ZFR: variants seen among roughly 807,000 people sequenced by gnomAD.
ZFR encodes zinc finger RNA-binding protein.
ZFR carries 19 observed loss-of-function variants against 130.7 expected under a neutral mutation model. The ratio of observed to expected loss-of-function variants is 0.15; its 90% CI spans 0.10 to 0.21. ZFR has a LOEUF of 0.21. Ranked by LOEUF, ZFR falls within the 10% of genes least tolerant of loss-of-function variation. The pLI, the probability that ZFR is intolerant of heterozygous loss-of-function variation, is 1.00. For missense variants in ZFR, 872 were observed against 1,321.5 expected (o/e 0.66, Z 5.27); for synonymous variants, 466 against 456.9 (o/e 1.02, Z -0.25).
chr5:32,389,980 ATC>A (rs1753127522), intron 12 of ZFR, among the ~76,000 whole-genome samples: 1 of 152,188 alleles, frequency 6.6e-6, no homozygotes, highest in African/African-American at 2.4e-5. Context: ...GCGAAACTCT[ATC>A]TCTACTAATA....
intron 6 of ZFR, 89 bp downstream of exon 6, chr5:32,406,685 T>G: frequency 1.4e-6 from 2 of 1,453,306 alleles, no homozygotes; most frequent in Non-Finnish European, 1.8e-6. Context: ...GGAAAAAATG[T>G]AAACCTCTTT....
chr5:32,415,522 G>A (rs556128838), intron 4 of ZFR, among the ~76,000 whole-genome samples: 62 of 133,894 alleles, frequency 4.6e-4, no homozygotes, highest in Admixed American at 9.1e-4. Flanking sequence ...GTGTGCGCGC[G>A]CGCGCGCGCG....
intron 19 of ZFR, among the ~76,000 whole-genome samples, chr5:32,357,342 T>C (rs565785925): frequency 6.6e-6 from 1 of 152,288 alleles, no homozygotes; most frequent in Non-Finnish European, 1.5e-5. Flanking sequence ...CTCAGCTTAC[T>C]GCAACCTCCG....
At chr5:32,444,009 C>A (rs36169601) in intron 2 of ZFR, among the ~76,000 whole-genome samples, 1 of 150,976 alleles carries the variant, frequency 6.6e-6, no homozygotes, top group East Asian at 1.9e-4. Flanking sequence ...TCTCTACCTC[C>A]CCCCTACTGG....
At chr5:32,432,289 A>G (rs1754242799) in intron 2 of ZFR, among the ~76,000 whole-genome samples, 1 of 152,172 alleles carries the variant, frequency 6.6e-6, no homozygotes, top group Admixed American at 6.5e-5. Flanking sequence ...CACAGTCCAT[A>G]TACCTTTCAG....
intron 9 of ZFR, among the ~76,000 whole-genome samples, chr5:32,398,266 T>G (rs184115062): frequency 6.6e-6 from 1 of 152,340 alleles, no homozygotes; most frequent in East Asian, 1.9e-4. Flanking sequence ...GGCCAAGTAT[T>G]GTTCTTGAAA....
intron 5 of ZFR, among the ~76,000 whole-genome samples, chr5:32,414,636 G>GA (rs1561907080): frequency 6.6e-6 from 1 of 152,046 alleles, no homozygotes; most frequent in Non-Finnish European, 1.5e-5. Flanking sequence ...TATTAACCTT[G>GA]AGTTTTCAAT....
chr5:32,360,081 G>A (rs967167325), intron 19 of ZFR, among the ~76,000 whole-genome samples: 3 of 152,062 alleles, frequency 2.0e-5, no homozygotes, highest in Non-Finnish European at 4.4e-5. Context: ...TGAAACTAGG[G>A]GGACTTCAGA....
chr5:32,385,026 C>T (rs1346274912), intron 15 of ZFR, among the ~76,000 whole-genome samples: 1 of 151,974 alleles, frequency 6.6e-6, no homozygotes, highest in African/African-American at 2.4e-5. Context: ...AAGCCAAATC[C>T]ATTATTATAT....
intron 2 of ZFR, among the ~76,000 whole-genome samples, chr5:32,443,119 T>G (rs938843981): frequency 3.3e-5 from 5 of 151,876 alleles, no homozygotes; most frequent in African/African-American, 1.2e-4. Flanking sequence ...CCCTTTCCAT[T>G]AAACACCGTG....
chr5:32,370,761 T>C (rs1752653956), intron 17 of ZFR, among the ~76,000 whole-genome samples: 1 of 152,212 alleles, frequency 6.6e-6, no homozygotes, highest in South Asian at 2.1e-4. Flanking sequence ...ACACAGCAAT[T>C]CTGATATCAG....
chr5:32,403,940 T>A lies in ZFR; in HGVS notation c.1190A>T (p.Tyr397Phe). The A allele has an allele frequency of 6.2e-7, 1 of 1,605,660 alleles. No individual in the cohort carries two copies. Among genetic ancestry groups the A allele is most frequent in the Non-Finnish European group, 8.5e-7 (1 of 1,175,964 alleles). Residue 397 changes from tyrosine to phenylalanine, a missense_variant, in exon 7 of 20, where the codon TAT becomes TTT. Tyr to Phe is a conservative substitution (Grantham distance 22). This residue lies in a region of ZFR where 21 missense variants were observed against 54.4 expected (regional missense o/e 0.39). Transcript: ENST00000265069. ...CTTAGCACCACGAATGTGGGCAGCA[T>A]ACGCATCTGCTCCTGTACAAGACAC... ...CDVSCTGADA[Y>F]AAHIRGAKHQ...
chr5:32,441,506 C>T (rs542371947), intron 2 of ZFR, among the ~76,000 whole-genome samples: 14 of 142,928 alleles, frequency 9.8e-5, no homozygotes, highest in Non-Finnish European at 1.7e-4. Flanking sequence ...ATTTTCTATC[C>T]AAATTTGATT....
At chr5:32,415,523 C>CGCGCGCGTGCGCGCGT (rs1554073623) in intron 4 of ZFR, among the ~76,000 whole-genome samples, 1 of 132,036 alleles carries the variant, frequency 7.6e-6, no homozygotes, top group Non-Finnish European at 1.6e-5. Context: ...TGTGCGCGCG[C>CGCGCGCGTGCGCGCGT]GCGCGCGCGC....
chr5:32,363,305 GTTC>G (rs1752474154), intron 19 of ZFR, among the ~76,000 whole-genome samples: 1 of 152,032 alleles, frequency 6.6e-6, no homozygotes, highest in African/African-American at 2.4e-5. Context: ...CATTCATTAG[GTTC>G]AATGTTTTTT....
At chr5:32,398,738 G>A (rs923489866) in intron 9 of ZFR, among the ~76,000 whole-genome samples, 3 of 151,950 alleles carry the variant, frequency 2.0e-5, no homozygotes, top group Non-Finnish European at 2.9e-5. Flanking sequence ...CCAGGCTGGA[G>A]TACAGTTGTG....
intron 15 of ZFR, among the ~76,000 whole-genome samples, chr5:32,384,222 A>G (rs1490904600): frequency 2.0e-5 from 3 of 150,868 alleles, no homozygotes; most frequent in Non-Finnish European, 4.4e-5. Flanking sequence ...ATCAAATCCC[A>G]TATGCTGTAT....
intron 5 of ZFR, among the ~76,000 whole-genome samples, chr5:32,408,611 C>T (rs979452895): frequency 1.3e-5 from 2 of 152,088 alleles, no homozygotes; most frequent in Admixed American, 1.3e-4. Context: ...CATGTTTTTG[C>T]CTGTAAGCTT....
chr5:32,367,795 A>G (rs987265385), intron 17 of ZFR, among the ~76,000 whole-genome samples: 1 of 152,304 alleles, frequency 6.6e-6, no homozygotes, highest in Admixed American at 6.5e-5. Context: ...TCCAGTTATA[A>G]TAAGAGTAAC....
Sources: gnomAD v4.1 joint callset for allele counts (sites outside exome capture counted in the v4.1 genomes callset) on GRCh38, gnomAD v4.1.1 for gene constraint, gnomAD v4.1.1 regional missense constraint, MANE v1.5 for transcripts, NCBI Gene and HGNC (gene_info 2026-07-23, HGNC 2026-07-21) for gene names.